Variants in TTLL6 observed in about 807,000 individuals in gnomAD.
TTLL6 encodes the protein tubulin tyrosine ligase like 6, also known as tubulin polyglutamylase TTLL6.
Under a neutral mutation model 96.4 loss-of-function variants are expected in TTLL6, and 75 were observed. The observed-to-expected ratio is 0.78, with a 90% CI of 0.65 to 0.94. TTLL6 has a LOEUF of 0.94. TTLL6 is among the 40% of genes least tolerant of loss of function. The pLI, the probability that TTLL6 is intolerant of heterozygous loss-of-function variation, is 0.00. For synonymous variants in TTLL6, 411 were observed against 419.4 expected (o/e 0.98, Z 0.24); for missense variants, 1,030 against 1,093.0 (o/e 0.94, Z 0.81).
intron 13 of TTLL6, among the ~76,000 whole-genome samples, chr17:48,771,013 C>G (rs926235584): frequency 6.6e-6 from 1 of 152,168 alleles, no homozygotes; most frequent in South Asian, 2.1e-4. Flanking sequence ...AGATCTGCAG[C>G]TTTGCAGCTT....
intron 14 of TTLL6, 22 bp from the exon 15 acceptor site, chr17:48,769,276 C>T (rs768115285): frequency 1.9e-6 from 3 of 1,575,574 alleles, no homozygotes; most frequent in Non-Finnish European, 1.7e-6. Context: ...AAGTCAGAAG[C>T]ATCAGCGATT....
intron 3 of TTLL6, 112 bp downstream of exon 3, chr17:48,803,779 G>A: frequency 9.1e-7 from 1 of 1,093,562 alleles, no homozygotes; most frequent in East Asian, 2.6e-5. Flanking sequence ...TGAAGGACAG[G>A]ATTTGAAGAT....
rs1282214642 is a variant in TTLL6 at position 48,804,582 on chromosome 17, A to G, written c.323+190T>C. 5 of 679,720 alleles carry G rather than the reference A, an allele frequency of 7.4e-6. No individual in the cohort carries two copies. The Admixed American group carries it at 8.6e-5, about 12-fold the overall frequency. 42.1% of individuals were successfully genotyped at this position (679,720 alleles called of 1,614,324 possible). A position where few individuals can be genotyped will look rare whatever the true frequency, so the allele number is the denominator to read the frequency against. ...CATGGTTTTTTAGATTACACACACAATCATTTGATTCTATAAAACAGATCA... is the reference window on the plus strand; with the variant it reads ...CATGGTTTTTTAGATTACACACACAGTCATTTGATTCTATAAAACAGATCA... On this transcript the variant is annotated intron_variant, in intron 2 of 15. Coordinates refer to ENST00000393382, the MANE Select transcript of TTLL6 (RefSeq NM_001130918.3).
intron 12 of TTLL6, 143 bp downstream of exon 12, chr17:48,786,021 C>T: frequency 2.4e-6 from 3 of 1,261,684 alleles, no homozygotes. Context: ...GGGCTCCCCG[C>T]ACCGCCCCGT....
chr17:48,784,260 C>T (rs917120857), intron 13 of TTLL6, among the ~76,000 whole-genome samples: 1 of 152,018 alleles, frequency 6.6e-6, no homozygotes, highest in Non-Finnish European at 1.5e-5. Context: ...CAAAAATTAG[C>T]CCGGCATGGT....
chr17:48,784,808 A>G, intron 13 of TTLL6, 115 bp downstream of exon 13: 1 of 799,424 alleles, frequency 1.3e-6, no homozygotes, highest in Non-Finnish European at 2.0e-6. Context: ...GGGAGACACC[A>G]AGGCCCAGGG....
At chr17:48,771,524 C>T (rs980985860) in intron 13 of TTLL6, among the ~76,000 whole-genome samples, 11 of 151,806 alleles carry the variant, frequency 7.2e-5, no homozygotes, top group Admixed American at 2.0e-4. Context: ...CCTAGCTACT[C>T]GGGAGGCTGA....
At chr17:48,795,354 G>C (rs892553143) in intron 8 of TTLL6, among the ~76,000 whole-genome samples, 1 of 150,554 alleles carries the variant, frequency 6.6e-6, no homozygotes, top group African/African-American at 2.4e-5. Context: ...GAAAAGAAAA[G>C]AAAAATTCAG....
intron 13 of TTLL6, among the ~76,000 whole-genome samples, chr17:48,783,437 G>T (rs943515893): frequency 6.9e-6 from 1 of 145,784 alleles, no homozygotes; most frequent in Admixed American, 6.9e-5. Context: ...AAAAAATATT[G>T]TTTTTTTTTT....
chr17:48,785,061 C>A lies in TTLL6; in HGVS notation c.1902G>T (p.Thr634=). The change falls in exon 13 of 16, where the codon ACG becomes ACT. Residue 634 remains threonine, a synonymous_variant. Coordinates refer to ENST00000393382, the MANE Select transcript of TTLL6 (RefSeq NM_001130918.3). Reference sequence around the variant, plus strand: ...GTAGAGAACTGAAGGGCTTCGCAGACGTCAGCTTGGGGAAAACAGAGCTGG... The same window carrying A: ...GTAGAGAACTGAAGGGCTTCGCAGAAGTCAGCTTGGGGAAAACAGAGCTGG... ...EEASSVFPKL[T]SAKPFSSLPD... is the part of the protein sequence containing the mutation. 6.2e-7 allele frequency: 1 copy of A among 1,614,094 alleles called. No homozygotes were observed. Among genetic ancestry groups the A allele is most frequent in the Non-Finnish European group, 8.5e-7 (1 of 1,179,990 alleles).
At chr17:48,794,164 TG>T in intron 8 of TTLL6, 1 of 1,612,768 alleles carries the variant, frequency 6.2e-7, no homozygotes, top group Non-Finnish European at 8.5e-7. Flanking sequence ...ACAGGGGAAA[TG>T]GAAGAGGCAG....
intron 8 of TTLL6, chr17:48,794,335 G>A: frequency 6.3e-7 from 1 of 1,595,862 alleles, no homozygotes; most frequent in Non-Finnish European, 8.5e-7. Context: ...AAGGAAAAAT[G>A]ACAGTAACCA....
At chr17:48,799,497 TC>T in intron 6 of TTLL6, 106 bp downstream of exon 6, 1 of 1,232,486 alleles carries the variant, frequency 8.1e-7, no homozygotes, top group Non-Finnish European at 1.1e-6. Context: ...CCAGGTCAGC[TC>T]CACCTCCACC....
intron 13 of TTLL6, among the ~76,000 whole-genome samples, chr17:48,775,982 C>G (rs1341273371): frequency 6.6e-6 from 1 of 152,124 alleles, no homozygotes; most frequent in Non-Finnish European, 1.5e-5. Context: ...CCGCTAAAAT[C>G]AGAAACAAGA....
At position 48,770,085 on chromosome 17, in the gene TTLL6, C is replaced by A. The variant is rs138167652; in HGVS notation, c.2053G>T (p.Val685Leu). 21 of 1,605,048 alleles carry A rather than the reference C, an allele frequency of 1.3e-5. No homozygotes were observed. In the African/African-American group the frequency reaches 1.9e-4, roughly 14 times the overall value. The change falls in exon 14 of 16, where the codon GTA becomes TTA. Residue 685 changes from valine (V) to leucine (L), a missense_variant. Coordinates refer to ENST00000393382, the MANE Select transcript of TTLL6 (RefSeq NM_001130918.3). ...VFTGTVHLTS[V>L]ETTPESTTQL... ...GTGGTGGATTCTGGGGTGGTTTCTA[C>A]GGAGGTTAAGTGCTGGAAGAAAAGA...
chr17:48,805,008 G>A lies in TTLL6; in HGVS notation c.104-17C>T. 6.5e-7 allele frequency: 1 copy of A among 1,542,478 alleles called. No individual in the cohort carries two copies. The highest frequency in any genetic ancestry group is 8.8e-7 in the Non-Finnish European group (1 of 1,139,268). On this transcript the variant is annotated splice_polypyrimidine_tract_variant and intron_variant, in intron 1 of 15. Coordinates refer to ENST00000393382, the MANE Select transcript of TTLL6 (RefSeq NM_001130918.3). ...ACCAGGCCCCTAGAGAGAGGGCAGA[G>A]GGAGCCGCAGTTACAGAGATCCACC... is the stretch of plus-strand genomic sequence containing the variant.
At chr17:48,813,631 T>C (rs891711465) in intron 1 of TTLL6, among the ~76,000 whole-genome samples, 1 of 152,174 alleles carries the variant, frequency 6.6e-6, no homozygotes, top group Non-Finnish European at 1.5e-5. Context: ...AGTCAACTGC[T>C]TTAAATTCCC....
intron 8 of TTLL6, among the ~76,000 whole-genome samples, chr17:48,791,872 T>C (rs2039231981): frequency 1.3e-5 from 2 of 152,170 alleles, no homozygotes; most frequent in Admixed American, 1.3e-4. Context: ...ACTTTCACTG[T>C]GACCCAGAAA....
At chr17:48,798,189 A>G (rs1014322505) in intron 6 of TTLL6, among the ~76,000 whole-genome samples, 1 of 152,198 alleles carries the variant, frequency 6.6e-6, no homozygotes, top group African/African-American at 2.4e-5. Context: ...TGTGAGGCCG[A>G]GGCAGGAGGA....
Sources: allele counts gnomAD v4.1 joint callset (sites outside exome capture counted in the v4.1 genomes callset), GRCh38; gene constraint gnomAD v4.1.1; transcripts MANE v1.5; gene names NCBI Gene and HGNC (gene_info 2026-07-23, HGNC 2026-07-21).